LRRC4C: variants seen among roughly 807,000 people sequenced by gnomAD.
LRRC4C encodes the protein leucine-rich repeat-containing protein 4C.
A neutral mutation model predicts 33.6 loss-of-function variants in LRRC4C; 5 were observed. The ratio of observed to expected loss-of-function variants is 0.15; its 90% CI spans 0.08 to 0.31. The LOEUF (loss-of-function observed/expected upper bound fraction) is 0.31, where lower values mean the gene tolerates loss of function less well. LRRC4C is among the 10% of genes least tolerant of loss of function. The pLI, the probability that LRRC4C is intolerant of heterozygous loss-of-function variation, is 1.00. For missense variants in LRRC4C, 560 were observed against 796.7 expected (o/e 0.70, Z 3.58); for synonymous variants, 329 against 302.0 (o/e 1.09, Z -0.93).
chr11:41,310,320 G>A (rs1950611510), intron 1 of LRRC4C, among the ~76,000 whole-genome samples: 1 of 152,208 alleles, frequency 6.6e-6, no homozygotes, highest in Non-Finnish European at 1.5e-5. Context: ...CTCTGATGTT[G>A]CTGTGTGCCT....
At position 41,216,733 on chromosome 11, in the gene LRRC4C, A is replaced by G. The variant is rs147342230; in HGVS notation, c.-496+242698T>C. Among the ~76,000 whole-genome samples, 1,182 of 152,340 alleles carry G rather than the reference A, an allele frequency of 7.8e-3. 18 individuals are homozygous for G. The highest frequency in any genetic ancestry group is 0.026 in the African/African-American group (1,093 of 41,580). On this transcript the variant is annotated intron_variant, in intron 1 of 6. Coordinates refer to ENST00000528697, the MANE Select transcript of LRRC4C (RefSeq NM_001258419.2). ...CTTCAAGTTAATGCCCCACATCAAT[A>G]TAGTGTGAAAAATATAATACACTGA...
chr11:40,354,259 C>G (rs1236734156), intron 3 of LRRC4C, among the ~76,000 whole-genome samples: 1 of 152,142 alleles, frequency 6.6e-6, no homozygotes, highest in African/African-American at 2.4e-5. Flanking sequence ...TGCGGGAGGG[C>G]TGACACAAAC....
chr11:40,262,946 A>C (rs1441087579), intron 4 of LRRC4C, among the ~76,000 whole-genome samples: 1 of 151,810 alleles, frequency 6.6e-6, no homozygotes, highest in Non-Finnish European at 1.5e-5. Flanking sequence ...AAACCTGCAC[A>C]TTCTGCCCAT....
chr11:41,049,982 C>T (rs1858085237), intron 1 of LRRC4C, among the ~76,000 whole-genome samples: 1 of 152,108 alleles, frequency 6.6e-6, no homozygotes, highest in South Asian at 2.1e-4. Flanking sequence ...ATAATTAGCT[C>T]ATCATATGGA....
intron 3 of LRRC4C, among the ~76,000 whole-genome samples, chr11:40,631,621 C>T (rs1193987314): frequency 1.3e-5 from 2 of 152,072 alleles, no homozygotes; most frequent in African/African-American, 4.8e-5. Context: ...TTCACTCTAT[C>T]CTGACACATG....
intron 1 of LRRC4C, among the ~76,000 whole-genome samples, chr11:40,941,524 C>T (rs1214392973): frequency 6.6e-6 from 1 of 152,126 alleles, no homozygotes; most frequent in Admixed American, 6.6e-5. Flanking sequence ...CATGGAAACT[C>T]ACTTGAACTC....
chr11:41,361,736 A>G (rs1424778705), intron 1 of LRRC4C, among the ~76,000 whole-genome samples: 1 of 152,220 alleles, frequency 6.6e-6, no homozygotes, highest in Non-Finnish European at 1.5e-5. Flanking sequence ...CTGACTAAAC[A>G]CATTTTTTAG....
intron 1 of LRRC4C, among the ~76,000 whole-genome samples, chr11:41,084,888 T>A (rs1194569105): frequency 1.3e-5 from 2 of 152,066 alleles, no homozygotes; most frequent in Non-Finnish European, 2.9e-5. Flanking sequence ...AAATTCCTTA[T>A]CCTCTGTATT....
intron 2 of LRRC4C, among the ~76,000 whole-genome samples, chr11:40,662,542 A>G (rs967132492): frequency 1.3e-5 from 2 of 152,170 alleles, no homozygotes; most frequent in African/African-American, 4.8e-5. Flanking sequence ...TATCGGGAGG[A>G]ACATAGCTTT....
chr11:41,011,712 G>A (rs567944336), intron 1 of LRRC4C, among the ~76,000 whole-genome samples: 7 of 150,988 alleles, frequency 4.6e-5, no homozygotes, highest in African/African-American at 7.3e-5. Context: ...CACTAAGCCC[G>A]GGTTTCTATC....
intron 2 of LRRC4C, among the ~76,000 whole-genome samples, chr11:40,784,583 C>A (rs576689326): frequency 5.9e-5 from 9 of 152,290 alleles, no homozygotes; most frequent in African/African-American, 1.9e-4. Context: ...GCCTCACAAA[C>A]ACCCCTATTT....
chr11:40,728,197 G>A (rs1159069096), intron 2 of LRRC4C, among the ~76,000 whole-genome samples: 1 of 152,032 alleles, frequency 6.6e-6, no homozygotes. Context: ...ACTCTTGGTG[G>A]GAATGTAAAT....
intron 2 of LRRC4C, among the ~76,000 whole-genome samples, chr11:40,925,401 C>T (rs1957371551): frequency 6.6e-6 from 1 of 152,172 alleles, no homozygotes; most frequent in African/African-American, 2.4e-5. Context: ...TTTGCCATGG[C>T]AACTGTCAGT....
At chr11:40,569,269 T>C (rs926615661) in intron 3 of LRRC4C, among the ~76,000 whole-genome samples, 9 of 152,108 alleles carry the variant, frequency 5.9e-5, no homozygotes, top group African/African-American at 2.2e-4. Flanking sequence ...GAATTTAGAC[T>C]CAGATGCTGA....
At chr11:41,249,568 T>C (rs1565517379) in intron 1 of LRRC4C, among the ~76,000 whole-genome samples, 1 of 152,142 alleles carries the variant, frequency 6.6e-6, no homozygotes, top group Non-Finnish European at 1.5e-5. Flanking sequence ...TTGCTTCCAG[T>C]ACCTCCCCAG....
intron 1 of LRRC4C, among the ~76,000 whole-genome samples, chr11:41,191,854 T>A (rs1197377516): frequency 6.6e-6 from 1 of 152,176 alleles, no homozygotes; most frequent in Non-Finnish European, 1.5e-5. Flanking sequence ...ATCCTAACTT[T>A]GGAATTAGAT....
intron 1 of LRRC4C, among the ~76,000 whole-genome samples, chr11:41,185,607 G>T (rs79747721): frequency 2.0e-5 from 3 of 152,248 alleles, no homozygotes; most frequent in South Asian, 2.1e-4. Flanking sequence ...TGGAGAAAAG[G>T]TTGGGAAGGG....
In LRRC4C at chr11:40,584,175, T is replaced by A. The variant is rs1321088744; in HGVS notation, c.-270+63967A>T. Among the ~76,000 whole-genome samples the A allele has an allele frequency of 2.8e-5, 3 of 106,002 alleles. No individual in the cohort carries two copies. The East Asian group carries it at 1.1e-3, about 38-fold the overall frequency. The allele number at this position is 106,002 out of a possible 152,430, so 69.5% of individuals were successfully genotyped here. A position where few individuals can be genotyped will look rare whatever the true frequency, so the allele number is the denominator to read the frequency against. ...TAAGTATACACACACACACGCACAC[T>A]TCATATATATATATATATATATATA... On this transcript the variant is annotated intron_variant, in intron 3 of 6. Coordinates refer to ENST00000528697, the MANE Select transcript of LRRC4C (RefSeq NM_001258419.2).
intron 2 of LRRC4C, among the ~76,000 whole-genome samples, chr11:40,868,206 A>G (rs1193112880): frequency 1.3e-5 from 2 of 152,130 alleles, no homozygotes; most frequent in South Asian, 2.1e-4. Flanking sequence ...GTTGGGGGAG[A>G]GAAGGGATAA....
Sources: allele counts gnomAD v4.1 joint callset (sites outside exome capture counted in the v4.1 genomes callset), GRCh38; gene constraint gnomAD v4.1.1; transcripts MANE v1.5; gene names NCBI Gene and HGNC (gene_info 2026-07-23, HGNC 2026-07-21).